Variants in CNTN5 observed in about 807,000 individuals in gnomAD.
The protein encoded by CNTN5 is contactin 5, also known as contactin-5.
Under a neutral mutation model 129.1 loss-of-function variants are expected in CNTN5, and 77 were observed. The ratio of observed to expected loss-of-function variants is 0.60; its 90% CI spans 0.50 to 0.72. The LOEUF (loss-of-function observed/expected upper bound fraction) is 0.72, where lower values mean the gene tolerates loss of function less well. CNTN5 is among the 30% of genes least tolerant of loss of function. The pLI is 0.00. For missense variants in CNTN5, 1,478 were observed against 1,328.8 expected (o/e 1.11, Z -1.75); for synonymous variants, 509 against 465.6 (o/e 1.09, Z -1.20).
chr11:100,021,394 G>A (rs1034709074), intron 9 of CNTN5, among the ~76,000 whole-genome samples: 13 of 152,094 alleles, frequency 8.5e-5, no homozygotes, highest in African/African-American at 2.9e-4. Flanking sequence ...TCTTCTGTAA[G>A]TTATACAGAA....
chr11:99,275,972 C>T (rs771021596), intron 1 of CNTN5, among the ~76,000 whole-genome samples: 5 of 151,590 alleles, frequency 3.3e-5, no homozygotes, highest in Non-Finnish European at 5.9e-5. Flanking sequence ...AAATCTACCA[C>T]AGGCAGATCT....
chr11:99,972,722 A>T (rs1951297947), intron 8 of CNTN5, among the ~76,000 whole-genome samples: 1 of 152,112 alleles, frequency 6.6e-6, no homozygotes, highest in African/African-American at 2.4e-5. Flanking sequence ...TTTCAAATGC[A>T]CCATCTGGAC....
intron 6 of CNTN5, among the ~76,000 whole-genome samples, chr11:99,897,538 A>G (rs1387506341): frequency 2.6e-5 from 4 of 152,164 alleles, no homozygotes; most frequent in Non-Finnish European, 5.9e-5. Flanking sequence ...ATTTTATATT[A>G]CTACAAACTA....
chr11:99,452,296 C>A (rs1272092600), intron 2 of CNTN5, among the ~76,000 whole-genome samples: 1 of 151,430 alleles, frequency 6.6e-6, no homozygotes, highest in Non-Finnish European at 1.5e-5. Flanking sequence ...AGCTCCCAGT[C>A]CAAAGTCCTT....
At chr11:99,507,375 C>CAAAAAA (rs35059394) in intron 2 of CNTN5, among the ~76,000 whole-genome samples, 4 of 87,342 alleles carry the variant, frequency 4.6e-5, no homozygotes, top group Admixed American at 2.7e-4. Context: ...GACTCTGTCT[C>CAAAAAA]AAAAAAAAAA....
At chr11:100,287,506 T>C (rs957618409) in intron 18 of CNTN5, among the ~76,000 whole-genome samples, 8 of 150,662 alleles carry the variant, frequency 5.3e-5, no homozygotes, top group African/African-American at 1.5e-4. Context: ...CCAGCCAAAC[T>C]AAGCTTCATA....
chr11:99,514,490 A>C (rs1946966811), intron 2 of CNTN5, among the ~76,000 whole-genome samples: 1 of 152,034 alleles, frequency 6.6e-6, no homozygotes, highest in Non-Finnish European at 1.5e-5. Flanking sequence ...ACTGAAATGG[A>C]AAACTTCTTT....
chr11:99,088,634 A>G (rs2135308539), intron 1 of CNTN5, among the ~76,000 whole-genome samples: 1 of 152,294 alleles, frequency 6.6e-6, no homozygotes, highest in South Asian at 2.1e-4. Flanking sequence ...TTGCCTCCCA[A>G]TAAAGAGTGG....
At chr11:99,575,629 C>A (rs1420355323) in intron 3 of CNTN5, among the ~76,000 whole-genome samples, 2 of 152,062 alleles carry the variant, frequency 1.3e-5, no homozygotes, top group Non-Finnish European at 2.9e-5. Context: ...ACTCTTGGAG[C>A]AAAATAAAAT....
intron 1 of CNTN5, among the ~76,000 whole-genome samples, chr11:99,171,257 T>A (rs557279534): frequency 6.6e-6 from 1 of 152,348 alleles, no homozygotes; most frequent in South Asian, 2.1e-4. Context: ...AGCAACATTA[T>A]ATACTACTAG....
At chr11:100,329,804 T>C (rs184156770) in intron 21 of CNTN5, among the ~76,000 whole-genome samples, 30 of 152,322 alleles carry the variant, frequency 2.0e-4, no homozygotes, top group Non-Finnish European at 3.1e-4. Context: ...GAGCACCCCA[T>C]AGGACAAAAG....
At chr11:99,255,421 G>A (rs1862328560) in intron 1 of CNTN5, among the ~76,000 whole-genome samples, 1 of 151,434 alleles carries the variant, frequency 6.6e-6, no homozygotes, top group Admixed American at 6.6e-5. Flanking sequence ...ACAAAGTGAA[G>A]AAAGCTTTTA....
In CNTN5 at chr11:100,324,685, A is replaced by G. The variant is rs1951756319; in HGVS notation, c.2731-15778A>G. ...ATGTGTTAGGAAAATATTTAATTAT[A>G]TTTATAGCTAATCTTCAGTATATTT... On this transcript the variant is annotated intron_variant, in intron 21 of 24. Transcript: ENST00000524871. 2.0e-5 allele frequency among the ~76,000 whole-genome samples: 3 copies of G among 152,178 alleles called. 1 individual carries two copies. In the South Asian group the frequency reaches 6.2e-4, roughly 31 times the overall value.
At chr11:99,396,575 A>T (rs527728943) in intron 2 of CNTN5, among the ~76,000 whole-genome samples, 1 of 151,802 alleles carries the variant, frequency 6.6e-6, no homozygotes, top group East Asian at 1.9e-4. Flanking sequence ...AAAAGTTATC[A>T]CTACTATCAT....
At chr11:99,460,825 T>G (rs901517806) in intron 2 of CNTN5, among the ~76,000 whole-genome samples, 1 of 152,032 alleles carries the variant, frequency 6.6e-6, no homozygotes, top group Non-Finnish European at 1.5e-5. Flanking sequence ...CGTTATCAAT[T>G]TCTTACATAG....
At chr11:99,278,027 C>T (rs963780720) in intron 1 of CNTN5, among the ~76,000 whole-genome samples, 3 of 151,496 alleles carry the variant, frequency 2.0e-5, no homozygotes, top group South Asian at 2.1e-4. Context: ...AAATAATTCA[C>T]GTAAGTTGTT....
At chr11:100,288,307 T>A (rs1950851614) in intron 18 of CNTN5, among the ~76,000 whole-genome samples, 1 of 23,664 alleles carries the variant, frequency 4.2e-5, no homozygotes, top group African/African-American at 1.2e-3. Context: ...GAATATACAT[T>A]TTTTTTCAGC....
chr11:99,523,633 A>G (rs1230699593), intron 2 of CNTN5, among the ~76,000 whole-genome samples: 8 of 48,838 alleles, frequency 1.6e-4, no homozygotes, highest in Non-Finnish European at 8.3e-5. Flanking sequence ...ATAGAATAGA[A>G]TAGAATAGAA....
intron 2 of CNTN5, among the ~76,000 whole-genome samples, chr11:99,529,051 G>A (rs867349908): frequency 6.6e-6 from 1 of 152,054 alleles, no homozygotes; most frequent in Non-Finnish European, 1.5e-5. Flanking sequence ...CTCCAGCCTG[G>A]GCAACAAGAG....
Sources: gnomAD v4.1 joint callset for allele counts (sites outside exome capture counted in the v4.1 genomes callset) on GRCh38, gnomAD v4.1.1 for gene constraint, MANE v1.5 for transcripts, NCBI Gene and HGNC (gene_info 2026-07-23, HGNC 2026-07-21) for gene names.